The following SATB2 variants were observed in gnomAD, a reference collection of about 807,000 sequenced individuals.
SATB2 encodes SATB homeobox 2.
A neutral mutation model predicts 73.4 loss-of-function variants in SATB2; 1 was observed. The ratio of observed to expected loss-of-function variants is 0.01; its 90% CI spans 0.00 to 0.06. SATB2 has a LOEUF of 0.06. Ranked by LOEUF, SATB2 falls within the 10% of genes least tolerant of loss-of-function variation. The pLI is 1.00. For missense variants in SATB2, 459 were observed against 945.8 expected (o/e 0.49, Z 6.75); for synonymous variants, 397 against 367.0 (o/e 1.08, Z -0.93).
At chr2:199,413,534 T>C (rs1016075355) in intron 3 of SATB2, among the ~76,000 whole-genome samples, 2 of 151,948 alleles carry the variant, frequency 1.3e-5, no homozygotes, top group African/African-American at 2.4e-5. Flanking sequence ...TGGCCAACAG[T>C]GCTCCTTACC....
chr2:199,355,322 G>GTATATACA (rs1160280614), intron 6 of SATB2, among the ~76,000 whole-genome samples: 8 of 96,488 alleles, frequency 8.3e-5, no homozygotes, highest in Admixed American at 2.0e-4. Context: ...ATATACATAT[G>GTATATACA]TATGTGTGTG....
At chr2:199,453,803 C>T (rs1039918837) in intron 2 of SATB2, among the ~76,000 whole-genome samples, 5 of 151,960 alleles carry the variant, frequency 3.3e-5, no homozygotes, top group African/African-American at 1.2e-4. Flanking sequence ...TCTCTTTACA[C>T]ACTATTATGC....
intron 4 of SATB2, 120 bp downstream of exon 4, chr2:199,381,573 TC>T (rs2105867647): frequency 1.4e-6 from 2 of 1,391,104 alleles, no homozygotes; most frequent in African/African-American, 2.8e-5. Flanking sequence ...TCTCTCTCCT[TC>T]TTTTCATTTT....
At chr2:199,395,880 G>A (rs1690285281) in intron 3 of SATB2, 1 of 152,168 alleles carries the variant, frequency 6.6e-6, no homozygotes, top group South Asian at 2.1e-4. Flanking sequence ...CACTTAATGG[G>A]AAGCAAACCC....
At chr2:199,319,087 G>A (rs1171950443) in intron 9 of SATB2, among the ~76,000 whole-genome samples, 2 of 151,226 alleles carry the variant, frequency 1.3e-5, no homozygotes, top group Non-Finnish European at 2.9e-5. Flanking sequence ...ATGAAGCATA[G>A]AACATACTGA....
intron 2 of SATB2, among the ~76,000 whole-genome samples, chr2:199,436,177 G>T (rs1302751346): frequency 6.6e-6 from 1 of 151,934 alleles, no homozygotes; most frequent in African/African-American, 2.4e-5. Flanking sequence ...TCAAGTCTAT[G>T]GTCAACTGAA....
chr2:199,363,528 A>G (rs1400851414), intron 6 of SATB2, among the ~76,000 whole-genome samples: 1 of 152,198 alleles, frequency 6.6e-6, no homozygotes, highest in Non-Finnish European at 1.5e-5. Context: ...AAGGGTACAA[A>G]GTCTCAGTGA....
chr2:199,406,605 T>A (rs904136002), intron 3 of SATB2, among the ~76,000 whole-genome samples: 27 of 152,230 alleles, frequency 1.8e-4, no homozygotes, highest in Admixed American at 7.2e-4. Flanking sequence ...ATAAATACAT[T>A]TATGAAGGTG....
intron 3 of SATB2, among the ~76,000 whole-genome samples, chr2:199,407,882 G>A (rs1448241187): frequency 2.6e-5 from 4 of 152,082 alleles, no homozygotes; most frequent in Non-Finnish European, 5.9e-5. Flanking sequence ...ATAAAATCAT[G>A]AACAAACAGA....
chr2:199,378,376 G>T (rs1689664636), intron 5 of SATB2, among the ~76,000 whole-genome samples: 1 of 152,184 alleles, frequency 6.6e-6, no homozygotes, highest in African/African-American at 2.4e-5. Flanking sequence ...TGTGAAATTT[G>T]GGAAAAATTA....
At chr2:199,407,551 T>C (rs1023520905) in intron 3 of SATB2, among the ~76,000 whole-genome samples, 2 of 152,060 alleles carry the variant, frequency 1.3e-5, no homozygotes, top group Non-Finnish European at 2.9e-5. Flanking sequence ...TTAAGTGAAG[T>C]CAGGAACTCA....
intron 9 of SATB2, among the ~76,000 whole-genome samples, chr2:199,312,475 G>T (rs954652223): frequency 6.6e-6 from 1 of 152,188 alleles, no homozygotes; most frequent in Non-Finnish European, 1.5e-5. Context: ...AATGTAGAAG[G>T]TATCAAACCT....
chr2:199,336,866 G>T (rs1286755924), intron 7 of SATB2, among the ~76,000 whole-genome samples: 1 of 152,088 alleles, frequency 6.6e-6, no homozygotes, highest in Non-Finnish European at 1.5e-5. Context: ...GGCTCTAACT[G>T]GACAAGTATC....
intron 9 of SATB2, among the ~76,000 whole-genome samples, chr2:199,313,654 T>C (rs760223282): frequency 6.6e-6 from 1 of 152,208 alleles, no homozygotes; most frequent in East Asian, 1.9e-4. Context: ...TCAATTTACA[T>C]TTACAAAGCA....
At chr2:199,307,834 CTG>C (rs1222050353) in intron 10 of SATB2, among the ~76,000 whole-genome samples, 1 of 152,176 alleles carries the variant, frequency 6.6e-6, no homozygotes. Context: ...TATCAAGAAA[CTG>C]TGCCTCACTC....
At chr2:199,366,679 C>T (rs933197801) in intron 6 of SATB2, among the ~76,000 whole-genome samples, 9 of 151,352 alleles carry the variant, frequency 5.9e-5, no homozygotes, top group Non-Finnish European at 1.2e-4. Context: ...TGACTAGCTC[C>T]ATCTCTTTGA....
In SATB2 at chr2:199,349,190, G is replaced by T; in HGVS notation, c.701-17C>A. ...CTCTTTCCACTGTTAAGAGATAAAAGTGATAATTAATCATTATTTTCATTG... is the reference window on the plus strand; with the variant it reads ...CTCTTTCCACTGTTAAGAGATAAAATTGATAATTAATCATTATTTTCATTG... On this transcript the variant is annotated splice_polypyrimidine_tract_variant and intron_variant, in intron 6 of 10. Transcript: ENST00000417098. 6.4e-7 allele frequency: 1 copy of T among 1,556,850 alleles called. No homozygotes were observed. Among genetic ancestry groups the T allele is most frequent in the Non-Finnish European group, 8.8e-7 (1 of 1,132,924 alleles).
At chr2:199,325,210 C>T (rs962351215) in intron 8 of SATB2, 1 of 152,130 alleles carries the variant, frequency 6.6e-6, no homozygotes, top group African/African-American at 2.4e-5. Flanking sequence ...TTATGGCGTG[C>T]TTTTTATGGG....
At chr2:199,297,266 T>A (rs1009314193) in intron 10 of SATB2, among the ~76,000 whole-genome samples, 3 of 152,218 alleles carry the variant, frequency 2.0e-5, no homozygotes, top group Non-Finnish European at 4.4e-5. Context: ...TTTGCAAATG[T>A]TTTACTTTTT....
Sources: gnomAD v4.1 joint callset for allele counts (sites outside exome capture counted in the v4.1 genomes callset) on GRCh38, gnomAD v4.1.1 for gene constraint, MANE v1.5 for transcripts, NCBI Gene and HGNC (gene_info 2026-07-23, HGNC 2026-07-21) for gene names.